SLX4: variants seen among roughly 807,000 people sequenced by gnomAD.
SLX4 encodes the protein structure-specific endonuclease subunit SLX4.
Under a neutral mutation model 146.2 loss-of-function variants are expected in SLX4, and 112 were observed. That is an observed-to-expected ratio of 0.77 (90% confidence interval 0.66 to 0.90). SLX4 has a LOEUF of 0.90. Among genes scored for constraint, SLX4 ranks in the 40% least tolerant of loss-of-function variants. The pLI, the probability that SLX4 is intolerant of heterozygous loss-of-function variation, is 0.00. For synonymous variants in SLX4, 1,061 were observed against 997.7 expected (o/e 1.06, Z -1.20); for missense variants, 2,563 against 2,392.7 (o/e 1.07, Z -1.49).
At chr16:3,607,802 C>T (rs1390909834) in intron 2 of SLX4, among the ~76,000 whole-genome samples, 2 of 152,172 alleles carry the variant, frequency 1.3e-5, no homozygotes, top group Non-Finnish European at 2.9e-5. Context: ...ACACAGAGTC[C>T]TCATGCGGCC....
intron 3 of SLX4, among the ~76,000 whole-genome samples, chr16:3,604,457 G>C (rs2151136396): frequency 6.6e-6 from 1 of 152,166 alleles, no homozygotes; most frequent in African/African-American, 2.4e-5. Context: ...ATGGTATTGT[G>C]GTTATGCAGC....
intron 3 of SLX4, 28 bp from the exon 4 acceptor site, chr16:3,602,335 G>C: frequency 1.2e-6 from 2 of 1,611,714 alleles, no homozygotes; most frequent in Non-Finnish European, 1.7e-6. Context: ...AGATCCGTGA[G>C]AATAAACTCC....
Position 3,606,625 on chromosome 16 carries a change from G to T in SLX4, c.609C>A (p.Pro203=). 1 of 1,614,222 alleles carries T rather than the reference G, an allele frequency of 6.2e-7. No individual in the cohort carries two copies. The highest frequency in any genetic ancestry group is 8.5e-7 in the Non-Finnish European group (1 of 1,180,050). Residue 203 remains proline (P), a synonymous_variant, in exon 3 of 15, where the codon CCC becomes CCA. Coordinates refer to ENST00000294008, the MANE Select transcript of SLX4 (RefSeq NM_032444.4). ...GCTGTAGGACCAATTGTGCTGTGCG[G>T]GGTTTGGAGGGACTTGGCACTGCTG... ...LTTAVPSPSK[P]RTAQLVLQRM... is the part of the protein sequence containing the mutation.
chr16:3,589,725 C>A lies in SLX4; in HGVS notation c.3913G>T (p.Ala1305Ser). The change falls in exon 12 of 15, where the codon GCA becomes TCA. Residue 1305 changes from alanine (A) to serine (S), a missense_variant. Coordinates refer to ENST00000294008, the MANE Select transcript of SLX4 (RefSeq NM_032444.4). The surrounding 1 kb of genome is among the most constrained non-coding windows in gnomAD (Gnocchi z 6.2). ...SVGNREGNEV[A>S]QKFSVIRPQT... ...GGCCTGATGACAGAAAACTTCTGTG[C>A]GACTTCGTTCCCTTCCCTGTTTCCT... 6.2e-7 allele frequency: 1 copy of A among 1,613,854 alleles called. No homozygotes were observed. The highest frequency in any genetic ancestry group is 8.5e-7 in the Non-Finnish European group (1 of 1,180,026).
chr16:3,584,101 A>T (rs1401825676), intron 13 of SLX4, among the ~76,000 whole-genome samples: 1 of 151,812 alleles, frequency 6.6e-6, no homozygotes, highest in Non-Finnish European at 1.5e-5. Context: ...TGTCATGTGG[A>T]TGTGAGAGTT....
At chr16:3,604,924 ATTTT>A (rs544664658) in intron 3 of SLX4, among the ~76,000 whole-genome samples, 3 of 133,844 alleles carry the variant, frequency 2.2e-5, no homozygotes, top group Middle Eastern at 3.8e-3. Context: ...ATTCATTGTA[ATTTT>A]TTTTTTTTTT....
chr16:3,596,891 C>T (rs1167286228), intron 7 of SLX4, among the ~76,000 whole-genome samples: 2 of 151,092 alleles, frequency 1.3e-5, no homozygotes, highest in Non-Finnish European at 2.9e-5. Flanking sequence ...GGCACGGTCT[C>T]GGCTCACTGC....
chr16:3,581,472 CAGG>C lies in SLX4; in HGVS notation c.*867_*869del, dbSNP rs1461751304. ...AAGTGTCCGGGTAGCACGGCTGGGT[CAGG>C]AGAACTGCATCTGGGCTGTGGCAGT... On this transcript the variant is annotated 3_prime_UTR_variant, in exon 15 of 15. Transcript: ENST00000294008. The C allele has an allele frequency of 1.3e-5, 2 of 153,106 alleles. No homozygotes were observed. Among genetic ancestry groups the C allele is most frequent in the Non-Finnish European group, 2.9e-5 (2 of 68,414 alleles). 9.5% of individuals were successfully genotyped at this position (153,106 alleles called of 1,614,324 possible). A position where few individuals can be genotyped will look rare whatever the true frequency, so the allele number is the denominator to read the frequency against.
rs1051810795 is a variant in SLX4 at position 3,608,538 on chromosome 16, C to T, written c.427G>A (p.Val143Met). 2.5e-6 allele frequency: 4 copies of T among 1,614,076 alleles called. No homozygotes were observed. The highest frequency in any genetic ancestry group is 1.7e-5 in the Admixed American group (1 of 60,002). ...PAHSVNGEGGVLASAPDPPVL... is the reference protein window; with the variant it reads ...PAHSVNGEGGMLASAPDPPVL... ...GGTGGATCTGGAGCAGAGGCAAGCA[C>T]ACCCCCCTCCCCATTCACAGAGTGG... The change falls in exon 2 of 15, where the codon GTG becomes ATG. Residue 143 changes from valine to methionine, a missense_variant. Physicochemically the swap from Val to Met is conservative, Grantham distance 21 (BLOSUM62 1). Coordinates refer to ENST00000294008, the MANE Select transcript of SLX4 (RefSeq NM_032444.4).
chr16:3,603,307 G>A (rs559363593), intron 3 of SLX4, among the ~76,000 whole-genome samples: 13 of 152,218 alleles, frequency 8.5e-5, no homozygotes, highest in Non-Finnish European at 1.9e-4. Context: ...CCTCCCCAAA[G>A]TGCTGGGATT....
At position 3,605,503 on chromosome 16, in the gene SLX4, A is replaced by G. The variant is rs530911487; in HGVS notation, c.760+971T>C. Reference sequence around the variant, plus strand: ...CTCCCAAAGTTTTGGGATTATAGGCATGAGCCATCATGCCTGGCTTCATTG... The same window carrying G: ...CTCCCAAAGTTTTGGGATTATAGGCGTGAGCCATCATGCCTGGCTTCATTG... On this transcript the variant is annotated intron_variant, in intron 3 of 14. Coordinates refer to ENST00000294008, the MANE Select transcript of SLX4 (RefSeq NM_032444.4). Among the ~76,000 whole-genome samples, 3 of 152,258 alleles carry G rather than the reference A, an allele frequency of 2.0e-5. No individual in the cohort carries two copies. In the East Asian group the frequency reaches 5.8e-4, roughly 30 times the overall value.
At chr16:3,606,288 A>G (rs2040781745) in intron 3 of SLX4, among the ~76,000 whole-genome samples, 186 bp downstream of exon 3, 1 of 152,114 alleles carries the variant, frequency 6.6e-6, no homozygotes, top group African/African-American at 2.4e-5. Flanking sequence ...CAAGGAAGCT[A>G]GGTGGGAAAT....
At chr16:3,609,587 G>T (rs1228287627) in intron 1 of SLX4, 21 bp from the exon 2 acceptor site, 1 of 153,184 alleles carries the variant, frequency 6.5e-6, no homozygotes, top group African/African-American at 2.4e-5. Context: ...CCAAAAGCAT[G>T]TAAGTGTAAT....
intron 10 of SLX4, 36 bp from the exon 11 acceptor site, chr16:3,592,901 C>G: frequency 6.3e-7 from 1 of 1,590,010 alleles, no homozygotes; most frequent in South Asian, 1.1e-5. Flanking sequence ...GTTTACTGAT[C>G]AGAGAGTTGT....
chr16:3,583,595 C>G, intron 13 of SLX4, 85 bp from the exon 14 acceptor site: 1 of 1,451,204 alleles, frequency 6.9e-7, no homozygotes, highest in Non-Finnish European at 9.6e-7. Context: ...AGAGTGATAC[C>G]CAATGCATTC....
At chr16:3,600,813 ATCGAAC>A (rs1342145917) in intron 5 of SLX4, 160 bp downstream of exon 5, 4 of 674,178 alleles carry the variant, frequency 5.9e-6, no homozygotes, top group Non-Finnish European at 1.0e-5. Context: ...CCAGGCTGGT[ATCGAAC>A]TCCTGATCTA....
In SLX4 at chr16:3,583,435, G is replaced by C. The variant is rs752758310; in HGVS notation, c.4815C>G (p.Thr1605=). Residue 1605 remains threonine, a synonymous_variant, in exon 14 of 15, where the codon ACC becomes ACG. Transcript: ENST00000294008. ...LKEIFQYTHQ[T]LDSDSEDESQ... ...TCTCGTCCTCGGAGTCTGAGTCCAG[G>C]GTCTGGTGAGTGTACTGGAATATCT... is the stretch of plus-strand genomic sequence containing the variant. The C allele has an allele frequency of 6.2e-7, 1 of 1,613,992 alleles. No individual in the cohort carries two copies. Among genetic ancestry groups the C allele is most frequent in the African/African-American group, 1.3e-5 (1 of 74,898 alleles).
In SLX4 at chr16:3,589,559, T is replaced by A. The variant is rs1060501793; in HGVS notation, c.4079A>T (p.His1360Leu). The A allele has an allele frequency of 1.9e-6, 3 of 1,612,330 alleles. No homozygotes were observed. The African/African-American group carries it at 4.0e-5, about 22-fold the overall frequency. The part of the protein sequence containing the change: ...GHPHSSPLAP[H>L]PISGDRAHFS... ...GTGGGCGCGGTCCCCTGAGATGGGA[T>A]GTGGAGCCAGCGGAGAGGAGTGCGG... Residue 1360 changes from histidine to leucine, a missense_variant, in exon 12 of 15, where the codon CAT becomes CTT. His to Leu is a moderately conservative substitution (Grantham distance 99, BLOSUM62 -3). Coordinates refer to ENST00000294008, the MANE Select transcript of SLX4 (RefSeq NM_032444.4). The surrounding 1 kb of genome is among the most constrained non-coding windows in gnomAD (Gnocchi z 6.2).
At chr16:3,600,831 G>T in intron 5 of SLX4, 148 bp downstream of exon 5, 1 of 769,094 alleles carries the variant, frequency 1.3e-6, no homozygotes, top group Non-Finnish European at 2.2e-6. Flanking sequence ...CCTGATCTAA[G>T]GTGATCTGCC....
Sources: gnomAD v4.1 joint callset for allele counts (sites outside exome capture counted in the v4.1 genomes callset) on GRCh38, gnomAD v4.1.1 for gene constraint, Gnocchi (gnomAD v3.1) non-coding constraint, MANE v1.5 for transcripts, NCBI Gene and HGNC (gene_info 2026-07-23, HGNC 2026-07-21) for gene names.